The following PRTG variants were observed in gnomAD, a reference collection of about 807,000 sequenced individuals.
PRTG encodes protogenin, also known as immunoglobulin superfamily, DCC subclass, member 5.
PRTG carries 67 observed loss-of-function variants against 122.5 expected under a neutral mutation model. That is an observed-to-expected ratio of 0.55 (90% CI 0.45 to 0.67). The LOEUF is 0.67. Ranked by LOEUF, PRTG falls within the 30% of genes least tolerant of loss-of-function variation. The pLI, the probability that PRTG is intolerant of heterozygous loss-of-function variation, is 0.00. For missense variants in PRTG, 1,435 were observed against 1,415.4 expected (o/e 1.01, Z -0.22); for synonymous variants, 554 against 501.1 (o/e 1.11, Z -1.41).
intron 17 of PRTG, among the ~76,000 whole-genome samples, chr15:55,626,515 G>C (rs62017965): frequency 0.34 from 51,530 of 151,356 alleles, 11,011 homozygotes; most frequent in Non-Finnish European, 0.48. Context: ...AGGATGAGGC[G>C]GGCAGATCAC....
rs35216342 is a variant in PRTG, at chr15:55,708,148, T to TAAAAAAAAAAAA, written c.398-24229_398-24218dup. Among the ~76,000 whole-genome samples, 32 of 70,030 alleles carry TAAAAAAAAAAAA rather than the reference T, an allele frequency of 4.6e-4. 6 individuals are homozygous for TAAAAAAAAAAAA. Among genetic ancestry groups the TAAAAAAAAAAAA allele is most frequent in the African/African-American group, 6.9e-4 (11 of 16,014 alleles). The allele number at this position is 70,030 out of a possible 152,430, so 45.9% of individuals were successfully genotyped here. A position where few individuals can be genotyped will look rare whatever the true frequency, so the allele number is the denominator to read the frequency against. On this transcript the variant is annotated intron_variant, in intron 2 of 19. Transcript: ENST00000389286. ...CCTGTGGAAAGGAGGAGTAAGCTGG[T>TAAAAAAAAAAAA]AAAAAAAAAAAAAAAAAAAAAAAAA...
At position 55,628,822 on chromosome 15, in the gene PRTG, C is replaced by G; in HGVS notation, c.2806G>C (p.Val936Leu). Residue 936 changes from valine (V) to leucine (L), a missense_variant and splice_region_variant, in exon 16 of 20, where the codon GTT (valine) becomes CTT (leucine). Val to Leu is a conservative substitution (Grantham distance 32). Coordinates refer to ENST00000389286, the MANE Select transcript of PRTG (RefSeq NM_173814.6). Reference sequence around the variant, plus strand: ...ACAGTGACTACGGCAGTATACAGACCTTTGGCATCAGCAGAATCTAAACGC... The same window carrying G: ...ACAGTGACTACGGCAGTATACAGACGTTTGGCATCAGCAGAATCTAAACGC... ...PKRLDSADAK[V>L]YSGYYHLDQK... The G allele has an allele frequency of 6.2e-7, 1 of 1,612,034 alleles. No homozygotes were observed. Among genetic ancestry groups the G allele is most frequent in the African/African-American group, 1.3e-5 (1 of 74,922 alleles).
At chr15:55,721,599 A>G (rs1414802827) in intron 2 of PRTG, among the ~76,000 whole-genome samples, 2 of 152,200 alleles carry the variant, frequency 1.3e-5, no homozygotes, top group African/African-American at 4.8e-5. Context: ...TTCAAAATTT[A>G]GCTTACACAT....
At chr15:55,632,091 A>G (rs1246194083) in intron 15 of PRTG, among the ~76,000 whole-genome samples, 1 of 152,166 alleles carries the variant, frequency 6.6e-6, no homozygotes, top group Non-Finnish European at 1.5e-5. Context: ...CTATACATTG[A>G]TAACTAGATA....
Position 55,614,428 on chromosome 15 carries a change from T to A in PRTG, c.*5584A>T, listed in dbSNP as rs970511726. The A allele has an allele frequency of 6.6e-6, 1 of 152,226 alleles. No homozygotes were observed. The highest frequency in any genetic ancestry group is 1.9e-4 in the East Asian group (1 of 5,178). 9.4% of individuals were successfully genotyped at this position (152,226 alleles called of 1,614,324 possible). On this transcript the variant is annotated 3_prime_UTR_variant, in exon 20 of 20. Coordinates refer to ENST00000389286, the MANE Select transcript of PRTG (RefSeq NM_173814.6). Reference sequence around the variant, plus strand: ...TAAAGGCAGAAAGTTGTGAATGTTGTGAATATGTCATTAAAAGAAAACAAA... The same window carrying A: ...TAAAGGCAGAAAGTTGTGAATGTTGAGAATATGTCATTAAAAGAAAACAAA...
chr15:55,675,635 T>C lies in PRTG; in HGVS notation c.1430A>G (p.His477Arg). 1 of 1,598,600 alleles carries C rather than the reference T, an allele frequency of 6.3e-7. No homozygotes were observed. Residue 477 changes from histidine to arginine, a missense_variant, in exon 9 of 20, where the codon CAT becomes CGT. Physicochemically the swap from His to Arg is conservative, Grantham distance 29 (BLOSUM62 0). Transcript: ENST00000389286. ...AGGCTCTAAGTCATCAATAATATAA[T>C]GAGTTGTGTCATTTCCGATGACTAC... ...YQVVIGNDTTHYIIDDLEPAS... is the reference protein window; with the variant it reads ...YQVVIGNDTTRYIIDDLEPAS...
At chr15:55,648,483 A>C (rs543243185) in intron 11 of PRTG, among the ~76,000 whole-genome samples, 3 of 152,306 alleles carry the variant, frequency 2.0e-5, no homozygotes, top group African/African-American at 7.2e-5. Flanking sequence ...TAAACACCAC[A>C]CAACAAAAAA....
chr15:55,662,066 T>C (rs1276420004), intron 11 of PRTG, among the ~76,000 whole-genome samples: 3 of 152,196 alleles, frequency 2.0e-5, no homozygotes, highest in Non-Finnish European at 4.4e-5. Context: ...AAAATTCTTT[T>C]CCCAATTATT....
intron 2 of PRTG, among the ~76,000 whole-genome samples, chr15:55,713,098 T>C (rs1227733081): frequency 1.3e-5 from 2 of 151,796 alleles, no homozygotes; most frequent in African/African-American, 2.4e-5. Context: ...TCTGATCTTC[T>C]TTCCCTCTCC....
In PRTG at chr15:55,708,909, C is replaced by A. The variant is rs534527826; in HGVS notation, c.398-24978G>T. On this transcript the variant is annotated intron_variant, in intron 2 of 19. Transcript: ENST00000389286. The stretch of plus-strand genomic sequence containing the variant: ...CCTGTAATCCCAGCACTTTGGGAGT[C>A]CGAGGCAGGCAGATTAGGTGAGGTC... 2.6e-5 allele frequency among the ~76,000 whole-genome samples: 4 copies of A among 151,910 alleles called. No individual in the cohort carries two copies. The East Asian group carries it at 7.8e-4, about 29-fold the overall frequency.
chr15:55,632,155 C>T (rs182905182), intron 15 of PRTG, among the ~76,000 whole-genome samples: 205 of 152,272 alleles, frequency 1.3e-3, no homozygotes, highest in Non-Finnish European at 2.6e-3. Context: ...CTTAATCAGC[C>T]TCTCTGCATG....
chr15:55,630,658 C>A (rs545708278), intron 15 of PRTG, among the ~76,000 whole-genome samples: 1 of 152,282 alleles, frequency 6.6e-6, no homozygotes, highest in South Asian at 2.1e-4. Flanking sequence ...TATTTGGACA[C>A]TGCCATTTCT....
intron 11 of PRTG, chr15:55,655,933 T>C (rs1272728433): frequency 6.5e-6 from 1 of 153,144 alleles, no homozygotes; most frequent in Non-Finnish European, 1.5e-5. Flanking sequence ...TTAAAATTAG[T>C]TATAGACATT....
intron 14 of PRTG, 82 bp downstream of exon 14, chr15:55,638,467 T>A: frequency 8.8e-7 from 1 of 1,131,304 alleles, no homozygotes; most frequent in Non-Finnish European, 1.2e-6. Flanking sequence ...GGTAGTATCC[T>A]ACACAGAATG....
Position 55,700,313 on chromosome 15 carries a change from AAATT to A in PRTG, c.398-16386_398-16383del, listed in dbSNP as rs376832172. ...CTTATACTTTATACCTTACGCAAAA[AAATT>A]AATTAAATTGGGTCAAAGACCTAAA... is the stretch of plus-strand genomic sequence containing the variant. On this transcript the variant is annotated intron_variant, in intron 2 of 19. Coordinates refer to ENST00000389286, the MANE Select transcript of PRTG (RefSeq NM_173814.6). Among the ~76,000 whole-genome samples, 61 of 152,320 alleles carry A rather than the reference AAATT, an allele frequency of 4.0e-4. 2 individuals carry two copies. The East Asian group carries it at 9.7e-3, about 24-fold the overall frequency.
intron 2 of PRTG, among the ~76,000 whole-genome samples, chr15:55,712,421 CA>C (rs1282622731): frequency 1.3e-5 from 2 of 151,928 alleles, no homozygotes; most frequent in African/African-American, 4.9e-5. Flanking sequence ...GTGTTTCAAC[CA>C]AACCCACAAA....
intron 11 of PRTG, among the ~76,000 whole-genome samples, chr15:55,644,677 T>C (rs968433993): frequency 6.6e-6 from 1 of 152,020 alleles, no homozygotes. Flanking sequence ...GTCTCCTATG[T>C]GGAAATCATC....
chr15:55,675,392 C>T (rs915708421), intron 9 of PRTG, 127 bp downstream of exon 9: 39 of 587,226 alleles, frequency 6.6e-5, no homozygotes, highest in African/African-American at 3.0e-4. Flanking sequence ...AGATTTTGAA[C>T]GGCAAATTTA....
chr15:55,614,290 T>C lies in PRTG; in HGVS notation c.*5722A>G, dbSNP rs1427717945. 1 of 152,092 alleles carries C rather than the reference T, an allele frequency of 6.6e-6. No individual in the cohort carries two copies. The highest frequency in any genetic ancestry group is 6.6e-5 in the Admixed American group (1 of 15,266). The allele number at this position is 152,092 out of a possible 1,614,324, so 9.4% of individuals were successfully genotyped here. On this transcript the variant is annotated 3_prime_UTR_variant, in exon 20 of 20. Transcript: ENST00000389286. ...GATCAAATTTCCTAGGAAATGTATA[T>C]ACATGCTGATGGCATAAGGAGAGGC...
Sources: gnomAD v4.1 joint callset for allele counts (sites outside exome capture counted in the v4.1 genomes callset) on GRCh38, gnomAD v4.1.1 for gene constraint, MANE v1.5 for transcripts, NCBI Gene and HGNC (gene_info 2026-07-23, HGNC 2026-07-21) for gene names.